The following PDLIM5 variants were observed in gnomAD, a reference collection of about 807,000 sequenced individuals.
PDLIM5 encodes PDZ and LIM domain protein 5.
Under a neutral mutation model 64.2 loss-of-function variants are expected in PDLIM5, and 34 were observed. The observed-to-expected ratio is 0.53, with a 90% CI of 0.40 to 0.71. The LOEUF (loss-of-function observed/expected upper bound fraction) is 0.71. Among genes scored for constraint, PDLIM5 ranks in the 30% least tolerant of loss-of-function variants. The pLI is 0.00. For synonymous variants in PDLIM5, 253 were observed against 269.1 expected (o/e 0.94, Z 0.59); for missense variants, 683 against 733.6 (o/e 0.93, Z 0.80).
At chr4:94,570,073 A>G (rs1335682883) in intron 3 of PDLIM5, among the ~76,000 whole-genome samples, 1 of 152,078 alleles carries the variant, frequency 6.6e-6, no homozygotes, top group Non-Finnish European at 1.5e-5. Flanking sequence ...CCCTACTTAC[A>G]GAATTATTAT....
intron 2 of PDLIM5, among the ~76,000 whole-genome samples, chr4:94,484,747 A>G (rs1726163594): frequency 6.6e-6 from 1 of 152,154 alleles, no homozygotes. Context: ...ACCTAGTGCT[A>G]TTTACTGCCT....
At chr4:94,652,225 A>G (rs549059594) in intron 9 of PDLIM5, among the ~76,000 whole-genome samples, 1 of 152,342 alleles carries the variant, frequency 6.6e-6, no homozygotes, top group South Asian at 2.1e-4. Context: ...GAGAAGCCAA[A>G]TAAGAATACT....
chr4:94,662,667 T>C, intron 12 of PDLIM5, 130 bp downstream of exon 12: 1 of 476,056 alleles, frequency 2.1e-6, no homozygotes, highest in Non-Finnish European at 3.8e-6. Context: ...TTTAATTTTT[T>C]GTAAATTTCG....
At chr4:94,493,334 C>T (rs1455536990) in intron 2 of PDLIM5, among the ~76,000 whole-genome samples, 1 of 150,472 alleles carries the variant, frequency 6.6e-6, no homozygotes, top group Non-Finnish European at 1.5e-5. Flanking sequence ...TTTTTTGAGG[C>T]AGAGTCTCAC....
chr4:94,467,737 C>G (rs920664731), intron 2 of PDLIM5, among the ~76,000 whole-genome samples: 1 of 152,172 alleles, frequency 6.6e-6, no homozygotes, highest in East Asian at 1.9e-4. Flanking sequence ...AGGTGGTCTT[C>G]CCATGTGTCA....
At chr4:94,642,318 T>TCC (rs1741059741) in intron 9 of PDLIM5, among the ~76,000 whole-genome samples, 1 of 152,166 alleles carries the variant, frequency 6.6e-6, no homozygotes, top group Admixed American at 6.5e-5. Context: ...TTCCATGATA[T>TCC]CCTGTAATCA....
intron 2 of PDLIM5, among the ~76,000 whole-genome samples, chr4:94,485,378 ATAT>A (rs1440916267): frequency 6.6e-6 from 1 of 152,202 alleles, no homozygotes; most frequent in Non-Finnish European, 1.5e-5. Context: ...CTTTGATTAC[ATAT>A]TATTATTGTG....
At chr4:94,516,292 A>G (rs2452565) in intron 2 of PDLIM5, among the ~76,000 whole-genome samples, 30,478 of 152,042 alleles carry the variant, frequency 0.2, 3,508 homozygotes, top group East Asian at 0.26. Flanking sequence ...TATTCTCCTC[A>G]TTGCTACCAT....
intron 2 of PDLIM5, among the ~76,000 whole-genome samples, chr4:94,522,011 T>C (rs1179985485): frequency 6.6e-6 from 1 of 152,204 alleles, no homozygotes; most frequent in African/African-American, 2.4e-5. Flanking sequence ...TTGACTTTTA[T>C]TTTAGGATTA....
rs1351386810 is a variant in PDLIM5, at chr4:94,504,293, C to CT, written c.97-19418dup. ...CAGAACTTCATGGTTGTGCGACTTT[C>CT]TTTTTTTTTTTTTGAGACAGAGTGT... On this transcript the variant is annotated intron_variant, in intron 2 of 12. Transcript: ENST00000317968. Among the ~76,000 whole-genome samples, 1,014 of 143,398 alleles carry CT rather than the reference C, an allele frequency of 7.1e-3. 12 individuals are homozygous for CT. The highest frequency in any genetic ancestry group is 0.02 in the African/African-American group (808 of 39,446). 94.1% of individuals were successfully genotyped at this position (143,398 alleles called of 152,430 possible).
Position 94,665,496 on chromosome 4 carries a change from AAAAAAAAAAAGAG to A in PDLIM5, c.*1431_*1443del, listed in dbSNP as rs1341015473. The A allele has an allele frequency of 2.2e-5, 17 of 779,676 alleles. No individual in the cohort carries two copies. In the South Asian group the frequency reaches 3.2e-4, roughly 15 times the overall value. The allele number at this position is 779,676 out of a possible 1,614,324, so 48.3% of individuals were successfully genotyped here. A position where few individuals can be genotyped will look rare whatever the true frequency, so the allele number is the denominator to read the frequency against. The stretch of plus-strand genomic sequence containing the variant: ...CTCCGGCTCTTAAAAAAAAAAAAAA[AAAAAAAAAAAGAG>A]AGAGAGAGAATAAATAGAAAAGAAT... On this transcript the variant is annotated 3_prime_UTR_variant, in exon 13 of 13. Coordinates refer to ENST00000317968, the MANE Select transcript of PDLIM5 (RefSeq NM_006457.5).
intron 2 of PDLIM5, among the ~76,000 whole-genome samples, chr4:94,457,755 A>G (rs1723507801): frequency 6.6e-6 from 1 of 152,254 alleles, no homozygotes; most frequent in Non-Finnish European, 1.5e-5. Context: ...TGCTGATACA[A>G]CAGAACACTG....
chr4:94,496,595 T>C (rs540673478), intron 2 of PDLIM5, among the ~76,000 whole-genome samples: 4 of 152,286 alleles, frequency 2.6e-5, no homozygotes, highest in African/African-American at 7.2e-5. Context: ...GCTCAAGCAG[T>C]CCTCCCACCT....
chr4:94,495,198 G>A (rs1727275593), intron 2 of PDLIM5, among the ~76,000 whole-genome samples: 1 of 152,090 alleles, frequency 6.6e-6, no homozygotes, highest in Non-Finnish European at 1.5e-5. Context: ...TAGTAATACT[G>A]TGTTCAACTT....
chr4:94,567,784 G>A (rs1553959740), intron 3 of PDLIM5, among the ~76,000 whole-genome samples: 1 of 152,160 alleles, frequency 6.6e-6, no homozygotes, highest in Non-Finnish European at 1.5e-5. Flanking sequence ...GACTAGCAGA[G>A]TTACAAATAG....
intron 9 of PDLIM5, among the ~76,000 whole-genome samples, chr4:94,653,516 T>C (rs768541869): frequency 6.6e-6 from 1 of 151,946 alleles, no homozygotes; most frequent in African/African-American, 2.4e-5. Flanking sequence ...GCCCATCTTA[T>C]CAGTTCATGA....
At chr4:94,614,411 A>G (rs1319818466) in intron 7 of PDLIM5, among the ~76,000 whole-genome samples, 2 of 152,200 alleles carry the variant, frequency 1.3e-5, no homozygotes, top group African/African-American at 2.4e-5. Flanking sequence ...TACTGTGCCC[A>G]GCCAATACCA....
chr4:94,591,692 G>A (rs552419680), intron 7 of PDLIM5, among the ~76,000 whole-genome samples: 2 of 152,344 alleles, frequency 1.3e-5, no homozygotes, highest in South Asian at 4.1e-4. Flanking sequence ...CTGAGCTGCT[G>A]TGGTATCAGC....
intron 2 of PDLIM5, among the ~76,000 whole-genome samples, chr4:94,478,032 C>T (rs62319380): frequency 3.3e-5 from 5 of 151,878 alleles, no homozygotes; most frequent in Admixed American, 1.3e-4. Context: ...CCGAGGCGAG[C>T]GGATCATGAG....
Sources: gnomAD v4.1 joint callset for allele counts (sites outside exome capture counted in the v4.1 genomes callset) on GRCh38, gnomAD v4.1.1 for gene constraint, MANE v1.5 for transcripts, NCBI Gene and HGNC (gene_info 2026-07-23, HGNC 2026-07-21) for gene names.